Variants in CATSPERT observed in about 807,000 individuals in gnomAD.
CATSPERT encodes catsper channel auxiliary subunit tau, also known as cation channel sperm-associated targeting subunit tau.
At chr2:201,568,427 C>T in the CATSPERT span, among the ~76,000 whole-genome samples, 1 of 152,182 alleles carries the variant, frequency 6.6e-6, no homozygotes, top group Non-Finnish European at 1.5e-5. Flanking sequence ...CAGCCAAAAG[C>T]AAACTGCTCC....
the CATSPERT span, among the ~76,000 whole-genome samples, chr2:201,570,908 T>C: frequency 1.3e-5 from 2 of 152,348 alleles, no homozygotes; most frequent in Non-Finnish European, 2.9e-5. Context: ...TGTGGAGCCT[T>C]ACTTGATCAT....
At chr2:201,619,137 A>G in the CATSPERT span, 6 of 1,613,666 alleles carry the variant, frequency 3.7e-6, no homozygotes, top group East Asian at 2.2e-5. Context: ...CCATCTCTCC[A>G]TCTTCTGCGG....
the CATSPERT span, chr2:201,535,581 C>T: frequency 4.8e-6 from 5 of 1,032,060 alleles, no homozygotes; most frequent in East Asian, 8.0e-5. Flanking sequence ...TTGTTATTGT[C>T]GTTACACTTT....
At chr2:201,518,857 G>A in the CATSPERT span, among the ~76,000 whole-genome samples, 1 of 152,130 alleles carries the variant, frequency 6.6e-6, no homozygotes, top group Non-Finnish European at 1.5e-5. Flanking sequence ...GTCCTCCTAG[G>A]ATTCTGCAAA....
the CATSPERT span, among the ~76,000 whole-genome samples, chr2:201,496,620 G>A: frequency 3.3e-5 from 5 of 152,210 alleles, no homozygotes; most frequent in African/African-American, 1.2e-4. Context: ...TGGGATTACA[G>A]GCGTGAGCCA....
At chr2:201,564,182 C>A in the CATSPERT span, among the ~76,000 whole-genome samples, 9 of 152,166 alleles carry the variant, frequency 5.9e-5, no homozygotes, top group African/African-American at 2.2e-4. Flanking sequence ...AAGAGACTAA[C>A]CCCCCTCACA....
chr2:201,591,560 G>A, the CATSPERT span, among the ~76,000 whole-genome samples: 2 of 151,890 alleles, frequency 1.3e-5, no homozygotes, highest in Non-Finnish European at 2.9e-5. Flanking sequence ...CATTGAATCT[G>A]TAAATTACCT....
the CATSPERT span, chr2:201,536,317 G>A: frequency 4.4e-6 from 7 of 1,586,862 alleles, no homozygotes; most frequent in South Asian, 1.1e-5. Flanking sequence ...TCATTATCCA[G>A]TAACTAGAAA....
the CATSPERT span, among the ~76,000 whole-genome samples, chr2:201,489,325 ATT>A: frequency 3.3e-5 from 5 of 152,170 alleles, no homozygotes; most frequent in African/African-American, 1.2e-4. Flanking sequence ...TAAAGATTCC[ATT>A]TGTCTTAAAA....
chr2:201,537,933 G>A, the CATSPERT span, among the ~76,000 whole-genome samples: 2 of 151,926 alleles, frequency 1.3e-5, no homozygotes, highest in African/African-American at 4.8e-5. Context: ...GGGACAAAAA[G>A]AAAATAAATA....
the CATSPERT span, among the ~76,000 whole-genome samples, chr2:201,518,769 G>A: frequency 6.6e-6 from 1 of 152,306 alleles, no homozygotes; most frequent in East Asian, 1.9e-4. Flanking sequence ...GGCCATACAG[G>A]AATGTTGTAT....
At chr2:201,515,211 T>G in the CATSPERT span, among the ~76,000 whole-genome samples, 1 of 21,456 alleles carries the variant, frequency 4.7e-5, no homozygotes, top group Non-Finnish European at 8.5e-5. Flanking sequence ...AGTTTTTTTT[T>G]TTTTTTTTTT....
chr2:201,594,045 C>G, the CATSPERT span, among the ~76,000 whole-genome samples: 5 of 152,124 alleles, frequency 3.3e-5, no homozygotes, highest in African/African-American at 1.2e-4. Context: ...TTATTTTGCT[C>G]GTTAGTTGAT....
the CATSPERT span, among the ~76,000 whole-genome samples, chr2:201,503,560 A>G: frequency 1.3e-5 from 2 of 152,038 alleles, no homozygotes; most frequent in Non-Finnish European, 2.9e-5. Flanking sequence ...ACACCTGGCT[A>G]ATTTTAAAAA....
the CATSPERT span, among the ~76,000 whole-genome samples, chr2:201,582,665 T>C: frequency 6.6e-6 from 1 of 152,244 alleles, no homozygotes; most frequent in Non-Finnish European, 1.5e-5. Flanking sequence ...AATATCCTTT[T>C]CAGTCTCTGT....
At chr2:201,531,313 C>T in the CATSPERT span, among the ~76,000 whole-genome samples, 4 of 151,906 alleles carry the variant, frequency 2.6e-5, no homozygotes, top group African/African-American at 7.2e-5. Flanking sequence ...TACTGCCTAC[C>T]GTGGACTCAT....
the CATSPERT span, among the ~76,000 whole-genome samples, chr2:201,613,944 G>A: frequency 1.3e-5 from 2 of 152,274 alleles, no homozygotes; most frequent in Non-Finnish European, 2.9e-5. Flanking sequence ...TGATCAAGTG[G>A]AAGAAAGGGT....
the CATSPERT span, among the ~76,000 whole-genome samples, chr2:201,521,365 C>T: frequency 1.3e-5 from 2 of 151,960 alleles, no homozygotes; most frequent in Non-Finnish European, 2.9e-5. Context: ...AGGAAACTTA[C>T]AATCATGGCA....
At chr2:201,537,137 T>C in the CATSPERT span, among the ~76,000 whole-genome samples, 9 of 152,114 alleles carry the variant, frequency 5.9e-5, no homozygotes, top group East Asian at 1.5e-3. Flanking sequence ...AAACTGCAGT[T>C]ACATCTATGG....
Sources: allele counts gnomAD v4.1 joint callset (sites outside exome capture counted in the v4.1 genomes callset), GRCh38; gene constraint gnomAD v4.1.1; transcripts MANE v1.5; gene names NCBI Gene and HGNC (gene_info 2026-07-23, HGNC 2026-07-21).